The following DPH6 variants were observed in gnomAD, a reference collection of about 807,000 sequenced individuals.
DPH6 encodes diphthamine biosynthesis 6.
In DPH6, 33 loss-of-function variants were observed where a neutral mutation model predicts 38.2. The ratio of observed to expected loss-of-function variants is 0.86; its 90% CI spans 0.65 to 1.15. The LOEUF is 1.15. Ranked by LOEUF, DPH6 falls within the 50% of genes most tolerant of loss-of-function variation. The pLI is 0.00. For missense variants in DPH6, 325 were observed against 320.0 expected, an observed-to-expected ratio of 1.02 and a Z score of -0.12; for synonymous variants, 108 against 103.0, an observed-to-expected ratio of 1.05 and a Z score of -0.30.
At chr15:35,361,584 A>G (rs940294583) in intron 3 of DPH6, among the ~76,000 whole-genome samples, 3 of 150,534 alleles carry the variant, frequency 2.0e-5, no homozygotes, top group Non-Finnish European at 4.4e-5. Context: ...ATCATGTCCC[A>G]TAAGTTCTTT....
At chr15:35,332,924 A>T (rs911242146) in intron 3 of DPH6, among the ~76,000 whole-genome samples, 1 of 152,116 alleles carries the variant, frequency 6.6e-6, no homozygotes, top group Non-Finnish European at 1.5e-5. Flanking sequence ...AAAGATTTCC[A>T]GATGGGGGGT....
At chr15:35,487,486 C>G (rs1029019309) in intron 3 of DPH6, among the ~76,000 whole-genome samples, 3 of 152,252 alleles carry the variant, frequency 2.0e-5, no homozygotes, top group Non-Finnish European at 4.4e-5. Context: ...GGGGCTCGTA[C>G]CCTCTGAAGC....
intron 7 of DPH6, among the ~76,000 whole-genome samples, chr15:35,380,313 C>T (rs1595513609): frequency 6.6e-6 from 1 of 152,204 alleles, no homozygotes; most frequent in East Asian, 1.9e-4. Flanking sequence ...CTTCATGCCA[C>T]TGTCTCTGTC....
the DPH6 span, among the ~76,000 whole-genome samples, chr15:35,179,673 T>C: frequency 6.6e-6 from 1 of 152,114 alleles, no homozygotes; most frequent in East Asian, 1.9e-4. Context: ...AAAATACATA[T>C]GTTTCTTGCA....
In DPH6 at chr15:35,227,259, C is replaced by A. The variant is rs577546511; in HGVS notation, n.201-6677G>T. ...AGTGCAGAGGCGCGATCTCGGCTCA[C>A]TGCAAGCTCCGCCTCCCGGGTTCAT... On this transcript the variant is annotated intron_variant and non_coding_transcript_variant, in intron 3 of 3. Coordinates refer to the DPH6 transcript ENST00000560386. Among the ~76,000 whole-genome samples the A allele has an allele frequency of 1.7e-4, 24 of 143,018 alleles. 1 individual carries two copies. The highest frequency in any genetic ancestry group is 1.0e-3 in the Admixed American group (14 of 13,888). 93.8% of individuals were successfully genotyped at this position (143,018 alleles called of 152,430 possible). A position where few individuals can be genotyped will look rare whatever the true frequency, so the allele number is the denominator to read the frequency against.
At chr15:35,407,810 C>T (rs1375186028) in intron 6 of DPH6, among the ~76,000 whole-genome samples, 5 of 151,848 alleles carry the variant, frequency 3.3e-5, no homozygotes, top group Admixed American at 2.0e-4. Context: ...AATAGGAGAA[C>T]GGTAGAAGAT....
At chr15:35,399,045 C>T (rs2053184231) in intron 6 of DPH6, among the ~76,000 whole-genome samples, 1 of 152,144 alleles carries the variant, frequency 6.6e-6, no homozygotes, top group African/African-American at 2.4e-5. Flanking sequence ...CAATCAAATT[C>T]TTAGGCTCCC....
chr15:35,411,491 T>C (rs2053366180), intron 5 of DPH6, among the ~76,000 whole-genome samples: 1 of 151,624 alleles, frequency 6.6e-6, no homozygotes, highest in Admixed American at 6.6e-5. Context: ...CTCTGAAAAA[T>C]CATTACTGTG....
At chr15:35,429,942 T>C (rs1217806702) in intron 5 of DPH6, among the ~76,000 whole-genome samples, 5 of 152,168 alleles carry the variant, frequency 3.3e-5, no homozygotes, top group African/African-American at 4.8e-5. Context: ...TCCTAGAAGA[T>C]TGTGGATAGA....
intron 3 of DPH6, among the ~76,000 whole-genome samples, chr15:35,474,237 AAG>A (rs1352982054): frequency 1.3e-5 from 2 of 152,112 alleles, no homozygotes; most frequent in African/African-American, 2.4e-5. Context: ...TCCCCTCTTT[AAG>A]AGAGAGGAAA....
chr15:35,216,276 A>C (rs1449363885), downstream of DPH6, among the ~76,000 whole-genome samples: 1 of 152,246 alleles, frequency 6.6e-6, no homozygotes, highest in Non-Finnish European at 1.5e-5. Context: ...AGTCACTGTT[A>C]ATCTCTAATG....
chr15:35,162,059 G>A, the DPH6 span, among the ~76,000 whole-genome samples: 3 of 151,796 alleles, frequency 2.0e-5, no homozygotes, highest in Non-Finnish European at 2.9e-5. Flanking sequence ...ATCCTATCAA[G>A]TCTTCAATAT....
At chr15:35,398,254 T>C (rs2053171811) in intron 6 of DPH6, among the ~76,000 whole-genome samples, 1 of 152,114 alleles carries the variant, frequency 6.6e-6, no homozygotes, top group South Asian at 2.1e-4. Context: ...CATCTTTTGT[T>C]CTAATGAGGT....
chr15:35,522,393 G>A (rs1200436119), intron 3 of DPH6: 3 of 1,012,300 alleles, frequency 3.0e-6, no homozygotes, highest in African/African-American at 3.3e-5. Context: ...TGCTTATTCA[G>A]TATTAATACA....
chr15:35,459,258 A>T (rs1220856779), intron 3 of DPH6, among the ~76,000 whole-genome samples: 1 of 152,200 alleles, frequency 6.6e-6, no homozygotes, highest in Non-Finnish European at 1.5e-5. Context: ...CCTGCCTTGT[A>T]GATGATCGTC....
chr15:35,172,871 TA>T, the DPH6 span, among the ~76,000 whole-genome samples: 8 of 152,164 alleles, frequency 5.3e-5, no homozygotes, highest in Non-Finnish European at 1.0e-4. Flanking sequence ...TTGCATTTCA[TA>T]AAGATTTTTA....
At chr15:35,156,256 G>C in the DPH6 span, among the ~76,000 whole-genome samples, 3 of 152,086 alleles carry the variant, frequency 2.0e-5, no homozygotes, top group Admixed American at 1.3e-4. Flanking sequence ...ACATATGAAT[G>C]AACAAATTGA....
intron 6 of DPH6, among the ~76,000 whole-genome samples, chr15:35,386,684 A>G (rs963229813): frequency 6.6e-6 from 1 of 151,970 alleles, no homozygotes; most frequent in Admixed American, 6.6e-5. Context: ...CAATTTTTTG[A>G]TGGAGTTGTT....
Position 35,542,492 on chromosome 15 carries a change from G to A in DPH6, c.39C>T (p.Ser13=). 2 of 1,557,686 alleles carry A rather than the reference G, an allele frequency of 1.3e-6. No homozygotes were observed. The highest frequency in any genetic ancestry group is 1.8e-6 in the Non-Finnish European group (2 of 1,137,074). The part of the protein sequence containing the change: ...VAALISGGKD[S]CYNMMQCIAA... ...CAATGCACTGCATCATATTATAGCAGCTGTCCTTCCCACCACTAAACAATA... is the reference window on the plus strand; with the variant it reads ...CAATGCACTGCATCATATTATAGCAACTGTCCTTCCCACCACTAAACAATA... Residue 13 remains serine (S), a synonymous_variant, in exon 2 of 9, where the codon AGC becomes AGT. Transcript: ENST00000256538.
Sources: gnomAD v4.1 joint callset for allele counts (sites outside exome capture counted in the v4.1 genomes callset) on GRCh38, gnomAD v4.1.1 for gene constraint, MANE v1.5 for transcripts, NCBI Gene and HGNC (gene_info 2026-07-23, HGNC 2026-07-21) for gene names.